Variants in ZNG1B observed in about 807,000 individuals in gnomAD.
ZNG1B encodes Zn regulated GTPase metalloprotein activator 1B.
the ZNG1B span, among the ~76,000 whole-genome samples, chr2:113,487,299 C>T: frequency 6.6e-6 from 1 of 151,894 alleles, no homozygotes; most frequent in Non-Finnish European, 1.5e-5. Flanking sequence ...TGTAAGTACA[C>T]TATCATGTTT....
the ZNG1B span, among the ~76,000 whole-genome samples, chr2:113,452,864 T>C: frequency 3.4e-5 from 5 of 148,672 alleles, no homozygotes; most frequent in East Asian, 9.9e-4. Context: ...ATGGCATCGG[T>C]AGAAGAATGA....
At chr2:113,491,178 G>A in the ZNG1B span, among the ~76,000 whole-genome samples, 30 of 67,530 alleles carry the variant, frequency 4.4e-4, no homozygotes, top group African/African-American at 7.9e-4. Context: ...ATACACATGC[G>A]CGTAGCCAAA....
At chr2:113,442,420 T>C in the ZNG1B span, among the ~76,000 whole-genome samples, 1 of 152,208 alleles carries the variant, frequency 6.6e-6, no homozygotes, top group African/African-American at 2.4e-5. Flanking sequence ...ACTATTTTTT[T>C]TCAGTTGTAA....
At chr2:113,456,472 A>G in the ZNG1B span, among the ~76,000 whole-genome samples, 2 of 150,988 alleles carry the variant, frequency 1.3e-5, no homozygotes, top group Admixed American at 1.3e-4. Flanking sequence ...TTTTATTTTG[A>G]TAGACTGAAA....
chr2:113,444,919 A>G, the ZNG1B span: 1 of 1,605,766 alleles, frequency 6.2e-7, no homozygotes, highest in Non-Finnish European at 8.5e-7. Context: ...ATCACTTCAA[A>G]ATATTTAGGT....
chr2:113,451,687 T>A, the ZNG1B span, among the ~76,000 whole-genome samples: 25 of 152,264 alleles, frequency 1.6e-4, no homozygotes, highest in African/African-American at 5.8e-4. Context: ...TCCTCCTAAA[T>A]ACCTACATCC....
the ZNG1B span, among the ~76,000 whole-genome samples, chr2:113,474,370 TTCTC>T: frequency 2.0e-5 from 3 of 149,340 alleles, no homozygotes; most frequent in African/African-American, 7.4e-5. Context: ...TATTTGATTC[TTCTC>T]TCTTTTTTTC....
chr2:113,445,166 A>G, the ZNG1B span: 8 of 1,452,764 alleles, frequency 5.5e-6, 1 homozygote, highest in Admixed American at 4.4e-5. Flanking sequence ...GTATTAAACC[A>G]AAAACTTTTT....
the ZNG1B span, chr2:113,438,049 G>T: frequency 6.2e-7 from 1 of 1,611,712 alleles, no homozygotes; most frequent in Non-Finnish European, 8.5e-7. Flanking sequence ...GTCACAAAAT[G>T]GCGTGACCTC....
At chr2:113,439,023 T>C in the ZNG1B span, 12 of 1,426,716 alleles carry the variant, frequency 8.4e-6, no homozygotes, top group South Asian at 1.3e-4. Flanking sequence ...CCCACAGTTA[T>C]TCAGAGGCTG....
At chr2:113,453,334 C>T in the ZNG1B span, 2 of 1,303,438 alleles carry the variant, frequency 1.5e-6, no homozygotes, top group South Asian at 2.7e-5. Flanking sequence ...CTCACTGCAA[C>T]CTTTACCTCC....
chr2:113,470,633 G>C, the ZNG1B span: 1 of 254,848 alleles, frequency 3.9e-6, no homozygotes, highest in Non-Finnish European at 7.6e-6. Context: ...GTTATATCAA[G>C]GGAGGGGGCA....
chr2:113,487,161 A>T, the ZNG1B span, among the ~76,000 whole-genome samples: 1 of 152,240 alleles, frequency 6.6e-6, no homozygotes, highest in Admixed American at 6.5e-5. Flanking sequence ...ACAAATACTT[A>T]CCATTGTGTT....
At chr2:113,442,554 G>GT in the ZNG1B span, among the ~76,000 whole-genome samples, 2 of 151,728 alleles carry the variant, frequency 1.3e-5, no homozygotes. Flanking sequence ...ATAACAGACT[G>GT]TTTTTTTATC....
chr2:113,473,528 A>C, the ZNG1B span, among the ~76,000 whole-genome samples: 4 of 151,808 alleles, frequency 2.6e-5, no homozygotes, highest in Non-Finnish European at 4.4e-5. Context: ...ACTATGTTGA[A>C]TAGGAGTGGT....
the ZNG1B span, among the ~76,000 whole-genome samples, chr2:113,481,123 A>G: frequency 1.4e-5 from 2 of 138,330 alleles, no homozygotes; most frequent in African/African-American, 5.5e-5. Context: ...ATGAAGTTCT[A>G]GGCAGTCATT....
the ZNG1B span, among the ~76,000 whole-genome samples, chr2:113,473,237 T>C: frequency 6.6e-6 from 1 of 151,828 alleles, no homozygotes; most frequent in Non-Finnish European, 1.5e-5. Flanking sequence ...TATTTTATTC[T>C]CTTTGAAGCA....
the ZNG1B span, among the ~76,000 whole-genome samples, chr2:113,487,218 G>C: frequency 6.6e-6 from 1 of 152,220 alleles, no homozygotes; most frequent in South Asian, 2.1e-4. Context: ...TGCTGTACAG[G>C]TTTGTAGCCT....
At chr2:113,453,072 C>A in the ZNG1B span, 1 of 1,512,094 alleles carries the variant, frequency 6.6e-7, no homozygotes, top group Non-Finnish European at 8.9e-7. Context: ...CAAATTAAAA[C>A]ATGGATAGAA....
Sources: allele counts gnomAD v4.1 joint callset (sites outside exome capture counted in the v4.1 genomes callset), GRCh38; gene constraint gnomAD v4.1.1; transcripts MANE v1.5; gene names NCBI Gene and HGNC (gene_info 2026-07-23, HGNC 2026-07-21).